FAM13A: variants seen among roughly 807,000 people sequenced by gnomAD.
FAM13A encodes family with sequence similarity 13 member A.
FAM13A carries 76 observed loss-of-function variants against 129.6 expected under a neutral mutation model. The ratio of observed to expected loss-of-function variants is 0.59; its 90% CI spans 0.49 to 0.71. FAM13A has a LOEUF of 0.71. Ranked by LOEUF, FAM13A falls within the 30% of genes least tolerant of loss-of-function variation. The pLI, the probability that FAM13A is intolerant of heterozygous loss-of-function variation, is 0.00. For missense variants in FAM13A, 1,108 were observed against 1,249.3 expected (o/e 0.89, Z 1.70); for synonymous variants, 443 against 449.9 (o/e 0.98, Z 0.20).
At chr4:88,886,346 T>A (rs1006459194) in intron 6 of FAM13A, among the ~76,000 whole-genome samples, 4 of 152,186 alleles carry the variant, frequency 2.6e-5, no homozygotes, top group Non-Finnish European at 4.4e-5. Context: ...CCCAGCACTT[T>A]GGGAGGCCGA....
chr4:88,770,326 A>G (rs1720404027), intron 11 of FAM13A, among the ~76,000 whole-genome samples: 1 of 152,202 alleles, frequency 6.6e-6, no homozygotes, highest in African/African-American at 2.4e-5. Flanking sequence ...GGTAATCTTC[A>G]ACAGATTATC....
At chr4:88,831,418 G>A (rs1407467922) in intron 7 of FAM13A, among the ~76,000 whole-genome samples, 5 of 152,120 alleles carry the variant, frequency 3.3e-5, no homozygotes, top group Non-Finnish European at 7.3e-5. Context: ...ATTATTTAGT[G>A]TGATATGGTA....
At chr4:88,977,530 T>A (rs11737260) in intron 4 of FAM13A, among the ~76,000 whole-genome samples, 7,257 of 152,206 alleles carry the variant, frequency 0.048, 222 homozygotes, top group Non-Finnish European at 0.069. Flanking sequence ...GAAAAAAAAA[T>A]CACTGCTCCC....
rs374291092 is a variant in FAM13A, at chr4:88,823,230, T to C, written c.1008-18178A>G. ...ATTTTATCGGCTGCTTCTCTACATT[T>C]ACACTGCAGTCCACTTTGACCTTTT... On this transcript the variant is annotated intron_variant, in intron 7 of 23. Transcript: ENST00000264344. 62 of 1,375,006 alleles carry C rather than the reference T, an allele frequency of 4.5e-5. 1 individual carries two copies. In the African/African-American group the frequency reaches 5.6e-4, roughly 12 times the overall value. The allele number at this position is 1,375,006 out of a possible 1,614,324, so 85.2% of individuals were successfully genotyped here.
chr4:88,805,832 C>T (rs1249460137), intron 7 of FAM13A, among the ~76,000 whole-genome samples: 1 of 151,816 alleles, frequency 6.6e-6, no homozygotes, highest in Non-Finnish European at 1.5e-5. Context: ...CCATGTCAGG[C>T]TAGTTTTTTA....
At chr4:88,841,036 C>A (rs62308742) in intron 7 of FAM13A, among the ~76,000 whole-genome samples, 1 of 133,822 alleles carries the variant, frequency 7.5e-6, no homozygotes, top group Non-Finnish European at 1.6e-5. Context: ...GGATCAAAGA[C>A]CTAAATAAAA....
chr4:88,743,446 C>T, intron 19 of FAM13A, among the ~76,000 whole-genome samples: 1 of 152,096 alleles, frequency 6.6e-6, no homozygotes, highest in Non-Finnish European at 1.5e-5. Flanking sequence ...TAAATTAGAA[C>T]TATGAAATAT....
At chr4:88,883,751 T>G (rs1743971493) in intron 6 of FAM13A, among the ~76,000 whole-genome samples, 2 of 151,948 alleles carry the variant, frequency 1.3e-5, no homozygotes, top group South Asian at 4.1e-4. Flanking sequence ...TAAATAAAAT[T>G]GATAGACCAT....
rs555392166 is a variant in FAM13A at position 88,930,138 on chromosome 4, T to C, written c.759+7950A>G. On this transcript the variant is annotated intron_variant, in intron 5 of 23. Transcript: ENST00000264344. ...GTTTTCAGAATTATCTTGCATCTCA[T>C]TGAGCTTCTTTAAAACCAATATTTT... Among the ~76,000 whole-genome samples the C allele has an allele frequency of 4.5e-4, 69 of 152,302 alleles. 1 individual carries two copies. The highest frequency in any genetic ancestry group is 1.3e-3 in the African/African-American group (56 of 41,570).
At chr4:88,886,190 C>T (rs548878249) in intron 6 of FAM13A, among the ~76,000 whole-genome samples, 1 of 152,178 alleles carries the variant, frequency 6.6e-6, no homozygotes, top group Non-Finnish European at 1.5e-5. Flanking sequence ...GAAGATAAAT[C>T]ATTAAACAAA....
At chr4:88,876,935 ATAAT>A (rs1742639414) in intron 6 of FAM13A, among the ~76,000 whole-genome samples, 1 of 152,232 alleles carries the variant, frequency 6.6e-6, no homozygotes, top group Non-Finnish European at 1.5e-5. Context: ...TTTTTAAAAT[ATAAT>A]TAATTCACAT....
At chr4:88,736,758 G>A (rs990264410) in intron 21 of FAM13A, 1 of 151,932 alleles carries the variant, frequency 6.6e-6, no homozygotes, top group East Asian at 1.9e-4. Flanking sequence ...TCTAGCAAAA[G>A]TAGCCACCGA....
intron 4 of FAM13A, among the ~76,000 whole-genome samples, chr4:88,974,844 T>C (rs1760683920): frequency 6.6e-6 from 1 of 152,136 alleles, no homozygotes; most frequent in African/African-American, 2.4e-5. Flanking sequence ...TTGAATGAAA[T>C]ACAAGCTAGT....
intron 7 of FAM13A, among the ~76,000 whole-genome samples, chr4:88,822,213 C>T (rs950331884): frequency 1.3e-5 from 2 of 151,976 alleles, no homozygotes; most frequent in African/African-American, 4.8e-5. Context: ...GTTTAAAATC[C>T]TAAAATGTGA....
At chr4:88,877,706 G>A (rs1162433555) in intron 6 of FAM13A, among the ~76,000 whole-genome samples, 2 of 152,146 alleles carry the variant, frequency 1.3e-5, no homozygotes, top group Non-Finnish European at 2.9e-5. Flanking sequence ...CTATAATGAA[G>A]AAAAGTTAAC....
At position 88,957,212 on chromosome 4, in the gene FAM13A, T is replaced by A. The variant is rs528411880; in HGVS notation, c.606-18971A>T. ...ATGGAGGCACATGCCGGCAGTCCCA[T>A]CTACTAGGGAGGCTGAGGCAGGAGA... On this transcript the variant is annotated intron_variant, in intron 4 of 23. Transcript: ENST00000264344. Among the ~76,000 whole-genome samples, 21 of 152,028 alleles carry A rather than the reference T, an allele frequency of 1.4e-4. No individual in the cohort carries two copies. In the South Asian group the frequency reaches 4.2e-3, roughly 30 times the overall value.
At chr4:88,958,217 G>A (rs1758060656) in intron 4 of FAM13A, among the ~76,000 whole-genome samples, 1 of 152,202 alleles carries the variant, frequency 6.6e-6, no homozygotes, top group African/African-American at 2.4e-5. Context: ...AGATCTGCTT[G>A]GCAGCCCCTC....
chr4:89,020,265 T>A (rs114554590), intron 3 of FAM13A, among the ~76,000 whole-genome samples, 195 bp downstream of exon 3: 1 of 143,180 alleles, frequency 7.0e-6, no homozygotes, highest in Non-Finnish European at 1.5e-5. Flanking sequence ...TAAAACTGGT[T>A]TTTTTTTTTC....
intron 3 of FAM13A, among the ~76,000 whole-genome samples, chr4:88,992,360 G>A (rs1238640803): frequency 6.6e-6 from 1 of 151,678 alleles, no homozygotes; most frequent in African/African-American, 2.4e-5. Flanking sequence ...TCTGCCTCCT[G>A]GGTTCAAGCG....
Sources: allele counts gnomAD v4.1 joint callset (sites outside exome capture counted in the v4.1 genomes callset), GRCh38; gene constraint gnomAD v4.1.1; transcripts MANE v1.5; gene names NCBI Gene and HGNC (gene_info 2026-07-23, HGNC 2026-07-21).